The following CNNM1 variants were observed in gnomAD, a reference collection of about 807,000 sequenced individuals.
CNNM1 encodes cyclin and CBS domain divalent metal cation transport mediator 1.
In CNNM1, 44 loss-of-function variants were observed where a neutral mutation model predicts 78.8. That is an observed-to-expected ratio of 0.56 (90% confidence interval 0.44 to 0.72). CNNM1 has a LOEUF of 0.72. Ranked by LOEUF, CNNM1 falls within the 30% of genes least tolerant of loss-of-function variation. The pLI, the probability that CNNM1 is intolerant of heterozygous loss-of-function variation, is 0.00. For synonymous variants in CNNM1, 584 were observed against 581.5 expected (o/e 1.00, Z -0.06); for missense variants, 1,101 against 1,292.2 (o/e 0.85, Z 2.27).
intron 1 of CNNM1, among the ~76,000 whole-genome samples, chr10:99,351,378 C>T (rs2030940371): frequency 6.6e-6 from 1 of 152,144 alleles, no homozygotes; most frequent in Non-Finnish European, 1.5e-5. Flanking sequence ...CCACATATGC[C>T]ACTTTACCAC....
chr10:99,341,436 G>C (rs923041998), intron 1 of CNNM1, among the ~76,000 whole-genome samples: 5 of 152,154 alleles, frequency 3.3e-5, no homozygotes, highest in Non-Finnish European at 7.3e-5. Context: ...TGCCCTCCAG[G>C]AACGAGAAAG....
intron 6 of CNNM1, among the ~76,000 whole-genome samples, chr10:99,371,323 T>TA (rs967938093): frequency 3.9e-5 from 6 of 152,198 alleles, no homozygotes; most frequent in African/African-American, 1.4e-4. Context: ...TGCTTTCATT[T>TA]AAAAATGAAA....
chr10:99,357,760 G>T, intron 2 of CNNM1, 105 bp downstream of exon 2: 16 of 1,094,142 alleles, frequency 1.5e-5, no homozygotes, highest in Non-Finnish European at 1.7e-5. Context: ...GGCAAACCCT[G>T]TGCCCTGATG....
At chr10:99,390,530 C>T (rs1031231125) in intron 10 of CNNM1, 123 bp downstream of exon 10, 10 of 706,566 alleles carry the variant, frequency 1.4e-5, no homozygotes, top group East Asian at 1.1e-4. Flanking sequence ...TAATGAGGTA[C>T]AATTGTGGAA....
intron 2 of CNNM1, among the ~76,000 whole-genome samples, chr10:99,358,058 C>T (rs947972637): frequency 6.6e-6 from 1 of 152,186 alleles, no homozygotes; most frequent in African/African-American, 2.4e-5. Flanking sequence ...GGGTTCCACT[C>T]ACATCAGAAC....
rs371336115 is a variant in CNNM1, at chr10:99,355,519, T to G, written c.1574-1993T>G. On this transcript the variant is annotated intron_variant, in intron 1 of 10. Coordinates refer to ENST00000356713, the MANE Select transcript of CNNM1 (RefSeq NM_020348.3). ...TGAATCAGTACCCCAGATTTTCTCC[T>G]TAAATGTCTCTGAGCCAAGGGAAAG... 2.8e-4 allele frequency among the ~76,000 whole-genome samples: 42 copies of G among 152,360 alleles called. No individual in the cohort carries two copies. In the East Asian group the frequency reaches 6.0e-3, roughly 22 times the overall value.
Position 99,374,677 on chromosome 10 carries a change from A to T in CNNM1, c.2177-2378A>T, listed in dbSNP as rs560873289. Among the ~76,000 whole-genome samples the T allele has an allele frequency of 7.2e-5, 11 of 152,294 alleles. No individual in the cohort carries two copies. The South Asian group carries it at 2.3e-3, about 32-fold the overall frequency. ...AAACCTTTTTATAAAACAAATTTAG[A>T]TTATAAACTTTAAGAGTCATTGTAT... On this transcript the variant is annotated intron_variant, in intron 6 of 10. Transcript: ENST00000356713.
intron 1 of CNNM1, among the ~76,000 whole-genome samples, chr10:99,356,506 G>GAA (rs1429793345): frequency 0.012 from 1,567 of 130,864 alleles, 38 homozygotes; most frequent in African/African-American, 0.042. Context: ...GAGAGAGAGA[G>GAA]AGAGAAAGAG....
chr10:99,388,935 C>A (rs1432625224), intron 9 of CNNM1, among the ~76,000 whole-genome samples: 1 of 152,144 alleles, frequency 6.6e-6, no homozygotes, highest in Non-Finnish European at 1.5e-5. Flanking sequence ...GCTCTGAGCT[C>A]CCAGGGTCCC....
rs1421941979 is a variant in CNNM1 at position 99,364,481 on chromosome 10, A to T, written c.2093A>T (p.Tyr698Phe). ...TTTGAAAATGGAGCCTTTACTTACT[A>T]TGGCGTCCCAGCCATCATGACCACT... ...LRFENGAFTY[Y>F]GVPAIMTTAC... The change falls in exon 5 of 11, where the codon TAT becomes TTT. Residue 698 changes from tyrosine to phenylalanine, a missense_variant. Around this residue, in one of 3 missense-constraint regions of CNNM1, gnomAD observed 348 missense variants for 384.5 expected, o/e 0.90. Coordinates refer to ENST00000356713, the MANE Select transcript of CNNM1 (RefSeq NM_020348.3). 2 of 1,612,398 alleles carry T rather than the reference A, an allele frequency of 1.2e-6. No homozygotes were observed. Among genetic ancestry groups the T allele is most frequent in the Admixed American group, 3.3e-5 (2 of 59,828 alleles).
At chr10:99,355,010 G>A (rs535445685) in intron 1 of CNNM1, among the ~76,000 whole-genome samples, 15 of 152,236 alleles carry the variant, frequency 9.9e-5, no homozygotes, top group Middle Eastern at 3.4e-3. Context: ...TACAAATGCC[G>A]TCTTTCCGAT....
intron 1 of CNNM1, among the ~76,000 whole-genome samples, chr10:99,352,558 A>T (rs1221556002): frequency 6.6e-6 from 1 of 152,160 alleles, no homozygotes; most frequent in Non-Finnish European, 1.5e-5. Context: ...TATTATTGCC[A>T]TCTTGTGGGT....
Position 99,357,672 on chromosome 10 carries a change from G to C in CNNM1, c.1717+17G>C. On this transcript the variant is annotated intron_variant, in intron 2 of 10. Coordinates refer to ENST00000356713, the MANE Select transcript of CNNM1 (RefSeq NM_020348.3). ...ATCTCTACAGTAAGTGCACGGCCTT[G>C]GCTGTTCTCCAGGGTCATCTTATTT... The C allele has an allele frequency of 6.3e-7, 1 of 1,583,600 alleles. No homozygotes were observed. The highest frequency in any genetic ancestry group is 2.3e-5 in the East Asian group (1 of 44,102).
At position 99,353,312 on chromosome 10, in the gene CNNM1, G is replaced by C. The variant is rs544196961; in HGVS notation, c.1574-4200G>C. Among the ~76,000 whole-genome samples the C allele has an allele frequency of 3.3e-5, 5 of 152,290 alleles. No homozygotes were observed. In the South Asian group the frequency reaches 1.0e-3, roughly 32 times the overall value. ...TCTCAGGGAGATTACCCTCACGGGT[G>C]GGGGTGGGGATCACATATAAATAGA... On this transcript the variant is annotated intron_variant, in intron 1 of 10. Transcript: ENST00000356713.
At chr10:99,338,295 AT>A (rs34673859) in intron 1 of CNNM1, among the ~76,000 whole-genome samples, 9,657 of 138,752 alleles carry the variant, frequency 0.07, 635 homozygotes, top group African/African-American at 0.19. Context: ...ACTAGGTGGC[AT>A]TTTTTTTTTT....
intron 6 of CNNM1, among the ~76,000 whole-genome samples, chr10:99,369,106 T>C (rs1041464349): frequency 6.6e-6 from 1 of 152,250 alleles, no homozygotes; most frequent in African/African-American, 2.4e-5. Context: ...GATGATCATA[T>C]GCTCACTAGC....
At chr10:99,391,322 T>C (rs1275624768) in intron 10 of CNNM1, 115 bp from the exon 11 acceptor site, 3 of 729,968 alleles carry the variant, frequency 4.1e-6, no homozygotes, top group Non-Finnish European at 7.1e-6. Context: ...CTAACCAAGC[T>C]GTCAAGGGCT....
chr10:99,379,768 G>A (rs564448455), intron 7 of CNNM1, among the ~76,000 whole-genome samples: 8 of 151,656 alleles, frequency 5.3e-5, no homozygotes, highest in African/African-American at 1.7e-4. Context: ...CATGAGCCAC[G>A]GCACTCAGCC....
Position 99,338,952 on chromosome 10 carries a change from A to G in CNNM1, c.1573+7992A>G, listed in dbSNP as rs544447974. 2.0e-4 allele frequency among the ~76,000 whole-genome samples: 31 copies of G among 152,314 alleles called. No individual in the cohort carries two copies. In the South Asian group the frequency reaches 6.0e-3, roughly 30 times the overall value. On this transcript the variant is annotated intron_variant, in intron 1 of 10. Coordinates refer to ENST00000356713, the MANE Select transcript of CNNM1 (RefSeq NM_020348.3). ...AAAAATGGAGCCGTAGAGATTTATC[A>G]TACTTCTTAAATTTACTACTCTATT...
Sources: gnomAD v4.1 joint callset for allele counts (sites outside exome capture counted in the v4.1 genomes callset) on GRCh38, gnomAD v4.1.1 for gene constraint, gnomAD v4.1.1 regional missense constraint, MANE v1.5 for transcripts, NCBI Gene and HGNC (gene_info 2026-07-23, HGNC 2026-07-21) for gene names.